The following BCL11A variants were observed in gnomAD, a reference collection of about 807,000 sequenced individuals.
BCL11A encodes B cell CLL/lymphoma 11A.
In BCL11A, 2 loss-of-function variants were observed where a neutral mutation model predicts 55.9. That is an observed-to-expected ratio of 0.04 (90% CI 0.01 to 0.11). BCL11A has a LOEUF of 0.11. Among genes scored for constraint, BCL11A ranks in the 10% least tolerant of loss-of-function variants. The pLI is 1.00. For missense variants in BCL11A, 817 were observed against 1,137.1 expected, an observed-to-expected ratio of 0.72 and a Z score of 4.05; for synonymous variants, 465 against 473.4, an observed-to-expected ratio of 0.98 and a Z score of 0.23.
chr2:60,552,322 G>T (rs1252472273), intron 1 of BCL11A, among the ~76,000 whole-genome samples: 1 of 152,070 alleles, frequency 6.6e-6, no homozygotes, highest in Non-Finnish European at 1.5e-5. Context: ...GGTCGGGAGG[G>T]GAGGGCAGCG....
At chr2:60,469,424 T>C (rs1024301419) in intron 2 of BCL11A, among the ~76,000 whole-genome samples, 12 of 152,322 alleles carry the variant, frequency 7.9e-5, no homozygotes, top group African/African-American at 2.9e-4. Flanking sequence ...TGGACTGAGC[T>C]GGGCCATACT....
Position 60,457,640 on chromosome 2 carries a change from T to G in BCL11A, c.*2764A>C. On this transcript the variant is annotated 3_prime_UTR_variant, in exon 4 of 4. Coordinates refer to ENST00000642384, the MANE Select transcript of BCL11A (RefSeq NM_022893.4). ...TCTAAATATAAAGCACCATTTAGTT[T>G]TTGGCAATGAAAAAAACTGCAAAAC... 1 of 1,042,826 alleles carries G rather than the reference T, an allele frequency of 9.6e-7. No individual in the cohort carries two copies. The highest frequency in any genetic ancestry group is 1.7e-5 in the African/African-American group (1 of 59,872). The allele number at this position is 1,042,826 out of a possible 1,614,324, so 64.6% of individuals were successfully genotyped here.
rs1423082480 is a variant in BCL11A at position 60,467,822 on chromosome 2, ATGG to A, written c.487+907_487+909del. On this transcript the variant is annotated intron_variant, in intron 3 of 3. Coordinates refer to ENST00000642384, the MANE Select transcript of BCL11A (RefSeq NM_022893.4). ...ACTGGTGGTGATGGTACTGGTGGTG[ATGG>A]TGATGGTGGTGGTGGTGGTGATGCT... Among the ~76,000 whole-genome samples the A allele has an allele frequency of 1.2e-4, 9 of 74,234 alleles. 1 individual carries two copies. Among genetic ancestry groups the A allele is most frequent in the African/African-American group, 3.7e-4 (7 of 18,970 alleles). 48.7% of individuals were successfully genotyped at this position (74,234 alleles called of 152,430 possible).
At position 60,507,428 on chromosome 2, in the gene BCL11A, G is replaced by T. The variant is rs755877522; in HGVS notation, c.385+38543C>A. Among the ~76,000 whole-genome samples the T allele has an allele frequency of 1.2e-4, 18 of 150,692 alleles. 1 individual carries two copies. Among genetic ancestry groups the T allele is most frequent in the Non-Finnish European group, 2.2e-4 (15 of 67,900 alleles). ...CTTTCTTGAAAAGCTAGAAAACTGT[G>T]TCCAAAACCTACAAAGACTATTGTG... On this transcript the variant is annotated intron_variant, in intron 2 of 3. Coordinates refer to ENST00000642384, the MANE Select transcript of BCL11A (RefSeq NM_022893.4).
In BCL11A at chr2:60,461,916, G is replaced by T. The variant is rs1676322262; in HGVS notation, c.996C>A (p.Ser332=). 7 of 1,614,034 alleles carry T rather than the reference G, an allele frequency of 4.3e-6. No individual in the cohort carries two copies. The highest frequency in any genetic ancestry group is 5.9e-6 in the Non-Finnish European group (7 of 1,180,030). ...LAGNTSSPPL[S]PGRPSPMQRL... ...TTTGCATAGGGCTGGGCCGGCCTGG[G>T]GACAGCGGTGGGCTAGACGTGTTCC... The change falls in exon 4 of 4, where the codon TCC becomes TCA. Residue 332 remains serine (S), a synonymous_variant. Coordinates refer to ENST00000642384, the MANE Select transcript of BCL11A (RefSeq NM_022893.4).
chr2:60,541,537 G>A (rs541965639), intron 2 of BCL11A, among the ~76,000 whole-genome samples: 10 of 152,292 alleles, frequency 6.6e-5, no homozygotes, highest in Admixed American at 5.9e-4. Flanking sequence ...CATCCAAGCT[G>A]CCAGTTCACA....
intron 2 of BCL11A, chr2:60,528,358 C>T (rs780219738): frequency 2.0e-5 from 3 of 152,530 alleles, no homozygotes; most frequent in Admixed American, 2.0e-4. Flanking sequence ...ACAGTAAAAC[C>T]TCCTCCCTCT....
Position 60,462,387 on chromosome 2 carries a change from G to A in BCL11A, c.525C>T (p.Cys175=), listed in dbSNP as rs61748090. 38,026 of 1,612,256 alleles carry A rather than the reference G, an allele frequency of 0.024. 556 individuals carry two copies. Among genetic ancestry groups the A allele is most frequent in the Non-Finnish European group, 0.028 (33,217 of 1,179,034 alleles). ...ACCATGCACTGGTGAATGGCTGTTT[G>A]CAAGTTGTACATGTGTAGCTGCTGG... ...DEPSSYTCTT[C]KQPFTSAWFL... The change falls in exon 4 of 4, where the codon TGC becomes TGT. Residue 175 remains cysteine (C), a synonymous_variant. Transcript: ENST00000642384.
chr2:60,516,446 G>A (rs147142442), intron 2 of BCL11A, among the ~76,000 whole-genome samples: 1 of 152,212 alleles, frequency 6.6e-6, no homozygotes, highest in African/African-American at 2.4e-5. Context: ...AGTGAGGCAA[G>A]AAAGGCCACT....
rs1231004916 is a variant in BCL11A at position 60,458,525 on chromosome 2, T to C, written c.*1879A>G. The C allele has an allele frequency of 9.7e-6, 10 of 1,036,046 alleles. No individual in the cohort carries two copies. The highest frequency in any genetic ancestry group is 1.0e-5 in the Non-Finnish European group (9 of 860,300). 64.2% of individuals were successfully genotyped at this position (1,036,046 alleles called of 1,614,324 possible). A position where few individuals can be genotyped will look rare whatever the true frequency, so the allele number is the denominator to read the frequency against. ...ATCATTCATTTCTATGTTAAGTGTA[T>C]TCTGTTTCCATTCACAGCGCTTGCA... On this transcript the variant is annotated 3_prime_UTR_variant, in exon 4 of 4. Transcript: ENST00000642384.
chr2:60,533,621 C>T (rs1669550582), intron 2 of BCL11A: 1 of 152,110 alleles, frequency 6.6e-6, no homozygotes, highest in Admixed American at 6.6e-5. Context: ...CTTAGTAAAG[C>T]AATTACATCA....
At chr2:60,541,832 A>G in intron 2 of BCL11A, 2 of 632,808 alleles carry the variant, frequency 3.2e-6, no homozygotes, top group East Asian at 6.0e-5. Context: ...AAGAGAAAAG[A>G]AAAATAAGTA....
chr2:60,524,481 CT>C (rs1276979112), intron 2 of BCL11A: 1 of 149,926 alleles, frequency 6.7e-6, no homozygotes, highest in Non-Finnish European at 1.5e-5. Context: ...GTTTTTTTTT[CT>C]TTTTTCTTGT....
chr2:60,522,332 G>A (rs976103196), intron 2 of BCL11A: 7 of 151,828 alleles, frequency 4.6e-5, no homozygotes, highest in South Asian at 2.1e-4. Context: ...ATAGGAACTC[G>A]TTTTTTTTCT....
At chr2:60,530,965 G>A (rs1003722320) in intron 2 of BCL11A, among the ~76,000 whole-genome samples, 4 of 152,176 alleles carry the variant, frequency 2.6e-5, no homozygotes, top group African/African-American at 9.7e-5. Flanking sequence ...TGGGACCCCT[G>A]ACAAAACAAT....
At chr2:60,451,828 T>C (rs982453784) in exon 5 of BCL11A, 10 of 229,976 alleles carry the variant, frequency 4.3e-5, no homozygotes, top group Middle Eastern at 1.3e-3. Flanking sequence ...CGGCGTGCCA[T>C]ATTATGCATT....
In BCL11A at chr2:60,458,364, C is replaced by T. The variant is rs1676042464; in HGVS notation, c.*2040G>A. ...TAAATGGATAACAAGTCTTGTAACA[C>T]CACCAAGACAATGGAACCCTAAAAT... On this transcript the variant is annotated 3_prime_UTR_variant, in exon 4 of 4. Coordinates refer to ENST00000642384, the MANE Select transcript of BCL11A (RefSeq NM_022893.4). The T allele has an allele frequency of 9.8e-7, 1 of 1,025,204 alleles. No homozygotes were observed. The highest frequency in any genetic ancestry group is 1.2e-6 in the Non-Finnish European group (1 of 853,984). 63.5% of individuals were successfully genotyped at this position (1,025,204 alleles called of 1,614,324 possible). A position where few individuals can be genotyped will look rare whatever the true frequency, so the allele number is the denominator to read the frequency against.
intron 2 of BCL11A, among the ~76,000 whole-genome samples, chr2:60,472,608 AC>A (rs1677270549): frequency 6.6e-6 from 1 of 152,208 alleles, no homozygotes; most frequent in Non-Finnish European, 1.5e-5. Flanking sequence ...TTAATGTTAT[AC>A]ATTTGGTCAC....
chr2:60,511,833 T>C (rs548207293), intron 2 of BCL11A, among the ~76,000 whole-genome samples: 1 of 152,358 alleles, frequency 6.6e-6, no homozygotes, highest in South Asian at 2.1e-4. Flanking sequence ...ACTCTGTTTC[T>C]ATGAAGGCAA....
Sources: allele counts gnomAD v4.1 joint callset (sites outside exome capture counted in the v4.1 genomes callset), GRCh38; gene constraint gnomAD v4.1.1; transcripts MANE v1.5; gene names NCBI Gene and HGNC (gene_info 2026-07-23, HGNC 2026-07-21).